MFSD1: variants seen among roughly 807,000 people sequenced by gnomAD.
MFSD1 encodes major facilitator superfamily domain containing 1, also known as lysosomal dipeptide transporter MFSD1.
Under a neutral mutation model 67.1 loss-of-function variants are expected in MFSD1, and 59 were observed. The observed-to-expected ratio is 0.88, with a 90% CI of 0.71 to 1.09. The LOEUF (loss-of-function observed/expected upper bound fraction) is 1.09. MFSD1 is among the 50% of genes least tolerant of loss of function. The pLI is 0.00. For missense variants in MFSD1, 552 were observed against 566.1 expected (o/e 0.97, Z 0.25); for synonymous variants, 213 against 200.3 (o/e 1.06, Z -0.54).
chr3:158,819,592 C>T, intron 7 of MFSD1, 57 bp from the exon 8 acceptor site: 3 of 1,004,354 alleles, frequency 3.0e-6, no homozygotes, highest in Non-Finnish European at 4.4e-6. Context: ...CCTTAGGAAC[C>T]TTCTGTTTGG....
intron 6 of MFSD1, among the ~76,000 whole-genome samples, chr3:158,813,535 T>C (rs1417085005): frequency 6.6e-6 from 1 of 152,232 alleles, no homozygotes; most frequent in Non-Finnish European, 1.5e-5. Context: ...AATAAATGAA[T>C]GAAGAATCAT....
Position 158,805,452 on chromosome 3 carries a change from A to G in MFSD1, c.307A>G (p.Ile103Val). ...TTTGTGTTTCTTTGGTGGCTTTTTG[A>G]TAGACCGAGTATTTGGAATACGGTA... ...VVLCFFGGFL[I>V]DRVFGIRWGT... is the part of the protein sequence containing the mutation. The change falls in exon 3 of 16, where the codon ATA (isoleucine) becomes GTA (valine). Residue 103 changes from isoleucine (I) to valine (V), a missense_variant. Ile to Val is a conservative substitution (Grantham distance 29). Coordinates refer to ENST00000415822, the MANE Select transcript of MFSD1 (RefSeq NM_022736.4). 1.2e-6 allele frequency: 2 copies of G among 1,613,254 alleles called. No homozygotes were observed. The highest frequency in any genetic ancestry group is 1.7e-6 in the Non-Finnish European group (2 of 1,179,252).
intron 14 of MFSD1, among the ~76,000 whole-genome samples, chr3:158,826,433 G>T (rs914957577): frequency 2.0e-5 from 3 of 151,764 alleles, no homozygotes; most frequent in African/African-American, 7.3e-5. Context: ...ACATTTTAAG[G>T]TTCAAGATGT....
chr3:158,808,148 A>T (rs575091120), intron 5 of MFSD1, among the ~76,000 whole-genome samples: 2 of 152,376 alleles, frequency 1.3e-5, no homozygotes, highest in African/African-American at 4.8e-5. Flanking sequence ...TATGACAGGG[A>T]TTCAGAAACA....
At chr3:158,804,032 A>G (rs1010505432) in intron 1 of MFSD1, among the ~76,000 whole-genome samples, 5 of 152,248 alleles carry the variant, frequency 3.3e-5, no homozygotes, top group Admixed American at 2.0e-4. Flanking sequence ...TTAATAAAAT[A>G]GTATATGTGT....
At chr3:158,821,920 T>C in intron 10 of MFSD1, 64 bp from the exon 11 acceptor site, 7 of 1,524,690 alleles carry the variant, frequency 4.6e-6, no homozygotes, top group Non-Finnish European at 5.4e-6. Flanking sequence ...TTTTCAAGAC[T>C]TTCTTGAAAC....
chr3:158,817,170 T>C (rs1002810082), intron 7 of MFSD1, among the ~76,000 whole-genome samples: 1 of 152,118 alleles, frequency 6.6e-6, no homozygotes, highest in Non-Finnish European at 1.5e-5. Context: ...CTGGAAGCAT[T>C]CCCTTTGAAA....
Position 158,805,519 on chromosome 3 carries a change from G to GA in MFSD1, c.329+50dup, listed in dbSNP as rs756650647. 44 of 1,298,368 alleles carry GA rather than the reference G, an allele frequency of 3.4e-5. 1 individual carries two copies. In the African/African-American group the frequency reaches 5.4e-4, roughly 16 times the overall value. 80.4% of individuals were successfully genotyped at this position (1,298,368 alleles called of 1,614,324 possible). The stretch of plus-strand genomic sequence containing the variant: ...ATGGGTAAATCTTACCTGATTGTTA[G>GA]AAAAATACAGAGCTAGATTAAGGTA... On this transcript the variant is annotated intron_variant, in intron 3 of 15. Transcript: ENST00000415822.
intron 14 of MFSD1, 42 bp downstream of exon 14, chr3:158,826,104 A>T (rs376703941): frequency 1.3e-6 from 2 of 1,567,172 alleles, no homozygotes; most frequent in Non-Finnish European, 1.8e-6. Context: ...ACCGCAGTGG[A>T]TCATCTTGTG....
In MFSD1 at chr3:158,802,306, C is replaced by G. The variant is rs943392631; in HGVS notation, c.154C>G (p.Leu52Val). Residue 52 changes from leucine to valine, a missense_variant, in exon 1 of 16, where the codon CTT becomes GTT. Physicochemically the swap from Leu to Val is conservative, Grantham distance 32. Transcript: ENST00000415822. ...TTTGGTGCTGTTACTGATGTGCTTCCTTGGCTTTGGTGAGCCGGCCGGGTG... is the reference window on the plus strand; with the variant it reads ...TTTGGTGCTGTTACTGATGTGCTTCGTTGGCTTTGGTGAGCCGGCCGGGTG... ...RLLVLLLMCFLGFGSYFCYDN... is the reference protein window; with the variant it reads ...RLLVLLLMCFVGFGSYFCYDN... The G allele has an allele frequency of 1.9e-6, 3 of 1,609,376 alleles. No homozygotes were observed. In the African/African-American group the frequency reaches 4.0e-5, roughly 22 times the overall value.
At chr3:158,821,794 C>T (rs1239940069) in intron 10 of MFSD1, 141 bp downstream of exon 10, 19 of 939,144 alleles carry the variant, frequency 2.0e-5, no homozygotes, top group Non-Finnish European at 2.8e-5. Context: ...GACTTGAATC[C>T]TGAGTGGCTG....
intron 1 of MFSD1, 89 bp from the exon 2 acceptor site, chr3:158,804,230 C>A: frequency 2.4e-6 from 2 of 839,552 alleles, no homozygotes; most frequent in South Asian, 1.6e-5. Flanking sequence ...GTAGTATCAG[C>A]ATTTAAAATT....
At position 158,809,274 on chromosome 3, in the gene MFSD1, G is replaced by T; in HGVS notation, c.536G>T (p.Ser179Ile). The T allele has an allele frequency of 6.2e-7, 1 of 1,604,662 alleles. No individual in the cohort carries two copies. The highest frequency in any genetic ancestry group is 1.7e-5 in the Admixed American group (1 of 58,356). Reference sequence around the variant, plus strand: ...AACCTGGTGTTTGGACTTCAACTTAGCATGGCTAGAATTGTAAGTATAATG... The same window carrying T: ...AACCTGGTGTTTGGACTTCAACTTATCATGGCTAGAATTGTAAGTATAATG... ...ELNLVFGLQL[S>I]MARIGSTVNM... The change falls in exon 6 of 16, where the codon AGC becomes ATC. Residue 179 changes from serine to isoleucine, a missense_variant. By Grantham distance (142) the Ser-to-Ile change is moderately radical (BLOSUM62 -2). Transcript: ENST00000415822.
At chr3:158,824,957 A>G (rs945905189) in intron 13 of MFSD1, among the ~76,000 whole-genome samples, 2 of 152,208 alleles carry the variant, frequency 1.3e-5, no homozygotes, top group Non-Finnish European at 2.9e-5. Context: ...TGCTTGTTTT[A>G]GAAACAAGGA....
intron 3 of MFSD1, 46 bp from the exon 4 acceptor site, chr3:158,806,994 T>C (rs1559915185): frequency 6.7e-7 from 1 of 1,502,530 alleles, no homozygotes; most frequent in Non-Finnish European, 9.1e-7. Flanking sequence ...TAAGATTTTT[T>C]TTTTCTTTTT....
chr3:158,818,592 T>C (rs2615054), intron 7 of MFSD1, among the ~76,000 whole-genome samples: 25,186 of 152,044 alleles, frequency 0.17, 2,244 homozygotes, highest in Middle Eastern at 0.2. Flanking sequence ...TATATATATA[T>C]TTTATTCCAC....
At chr3:158,825,965 C>T in intron 13 of MFSD1, 50 bp from the exon 14 acceptor site, 1 of 1,409,690 alleles carries the variant, frequency 7.1e-7, no homozygotes, top group Non-Finnish European at 1.0e-6. Context: ...ACATAGGAAT[C>T]ATTGAGAAGA....
chr3:158,820,784 C>T (rs550645523), intron 9 of MFSD1, among the ~76,000 whole-genome samples: 12 of 152,244 alleles, frequency 7.9e-5, no homozygotes, highest in East Asian at 3.9e-4. Flanking sequence ...CTCACTATCA[C>T]GAGAACAGCT....
At chr3:158,813,870 T>A in intron 6 of MFSD1, 95 bp from the exon 7 acceptor site, 1 of 706,040 alleles carries the variant, frequency 1.4e-6, no homozygotes, top group South Asian at 2.3e-5. Context: ...TCAATTTGGA[T>A]CCTACTTCTG....
Sources: allele counts gnomAD v4.1 joint callset (sites outside exome capture counted in the v4.1 genomes callset), GRCh38; gene constraint gnomAD v4.1.1; transcripts MANE v1.5; gene names NCBI Gene and HGNC (gene_info 2026-07-23, HGNC 2026-07-21).